The following SYNE1 variants were observed in gnomAD, a reference collection of about 807,000 sequenced individuals.
SYNE1 encodes spectrin repeat containing nuclear envelope protein 1.
SYNE1 carries 616 observed loss-of-function variants against 1,111.0 expected under a neutral mutation model. The ratio of observed to expected loss-of-function variants is 0.55; its 90% confidence interval spans 0.52 to 0.59. The LOEUF (loss-of-function observed/expected upper bound fraction) is 0.59. Ranked by LOEUF, SYNE1 falls within the 20% of genes least tolerant of loss-of-function variation. The pLI, the probability that SYNE1 is intolerant of heterozygous loss-of-function variation, is 0.00. For missense variants in SYNE1, 10,006 were observed against 10,417.0 expected (o/e 0.96, Z 1.72); for synonymous variants, 3,855 against 3,825.8 (o/e 1.01, Z -0.28).
intron 3 of SYNE1, among the ~76,000 whole-genome samples, chr6:152,587,956 C>A (rs1296123911): frequency 6.6e-6 from 1 of 152,194 alleles, no homozygotes; most frequent in Non-Finnish European, 1.5e-5. Context: ...CACCTTGAAT[C>A]AAAGAACCAA....
At chr6:152,372,156 G>A (rs1338892437) in intron 59 of SYNE1, among the ~76,000 whole-genome samples, 1 of 152,128 alleles carries the variant, frequency 6.6e-6, no homozygotes, top group East Asian at 1.9e-4. Context: ...ATGCTTCAGA[G>A]CTCAGACCAC....
Position 152,442,074 on chromosome 6 carries a change from C to A in SYNE1, c.4008+1G>T, listed in dbSNP as rs2098536142. 3 of 1,614,148 alleles carry A rather than the reference C, an allele frequency of 1.9e-6. No homozygotes were observed. Among genetic ancestry groups the A allele is most frequent in the Non-Finnish European group, 2.5e-6 (3 of 1,180,048 alleles). On this transcript the variant is annotated splice_donor_variant, in intron 31 of 145. Transcript: ENST00000367255. LOFTEE classifies it high-confidence loss of function. ...AATGGCCCCTAACTTCCGGCTCCTA[C>A]CTGGATGCGGCGTTCCTGCCTCTCC...
intron 3 of SYNE1, among the ~76,000 whole-genome samples, chr6:152,560,507 A>G (rs1252971556): frequency 1.3e-5 from 2 of 152,232 alleles, no homozygotes; most frequent in East Asian, 1.9e-4. Flanking sequence ...TCCATCAAAC[A>G]TTTAAAGAAA....
At chr6:152,476,761 C>T (rs983286072) in intron 14 of SYNE1, among the ~76,000 whole-genome samples, 5 of 151,560 alleles carry the variant, frequency 3.3e-5, no homozygotes, top group East Asian at 3.9e-4. Flanking sequence ...CCCACCTTCT[C>T]GGGAGGCTAA....
At chr6:152,221,161 A>G in intron 118 of SYNE1, 115 bp from the exon 119 acceptor site, 19 of 1,206,840 alleles carry the variant, frequency 1.6e-5, no homozygotes, top group Non-Finnish European at 2.2e-5. Flanking sequence ...AATCATTTCT[A>G]GTTAACATAA....
chr6:152,180,322 C>T (rs1027652130), intron 128 of SYNE1, 28 bp from the exon 129 acceptor site: 16 of 1,611,540 alleles, frequency 9.9e-6, no homozygotes, highest in Middle Eastern at 1.7e-4. Context: ...GGAGAATAGG[C>T]AAAATGATTA....
chr6:152,257,967 C>T (rs758297639), intron 101 of SYNE1, among the ~76,000 whole-genome samples: 1 of 151,942 alleles, frequency 6.6e-6, no homozygotes, highest in Non-Finnish European at 1.5e-5. Context: ...TCAAACATAG[C>T]CTAGATAAGC....
In SYNE1 at chr6:152,140,439, C is replaced by T. The variant is rs6920560; in HGVS notation, c.25247-278G>A. ...ACGAAGTAATAAGCAGTCATGAGCA[C>T]GAACGATCGTTCAATTCTTGGATCC... On this transcript the variant is annotated intron_variant, in intron 139 of 145. Coordinates refer to ENST00000367255, the MANE Select transcript of SYNE1 (RefSeq NM_182961.4). Among the ~76,000 whole-genome samples, 1,294 of 152,212 alleles carry T rather than the reference C, an allele frequency of 8.5e-3. 20 individuals are homozygous for T. The highest frequency in any genetic ancestry group is 0.029 in the African/African-American group (1,206 of 41,518).
Position 152,331,841 on chromosome 6 carries a change from C to T in SYNE1, c.12844G>A (p.Ala4282Thr), listed in dbSNP as rs1384390262. 2.5e-6 allele frequency: 4 copies of T among 1,613,872 alleles called. No individual in the cohort carries two copies. In the South Asian group the frequency reaches 3.3e-5, roughly 13 times the overall value. ...AVHLEALKKL[A>T]LALQERKYAI... is the part of the protein sequence containing the mutation. ...TACTTTCTCTCCTGCAATGCCAATG[C>T]TAACTTTTTCAAAGCTTCCAGGTGG... is the stretch of plus-strand genomic sequence containing the variant. The change falls in exon 78 of 146, where the codon GCA becomes ACA. Residue 4282 changes from alanine (A) to threonine (T), a missense_variant. Coordinates refer to ENST00000367255, the MANE Select transcript of SYNE1 (RefSeq NM_182961.4).
intron 29 of SYNE1, among the ~76,000 whole-genome samples, chr6:152,445,951 A>G (rs1176926878): frequency 5.9e-5 from 9 of 152,140 alleles, no homozygotes; most frequent in African/African-American, 1.9e-4. Flanking sequence ...TTTAAGGCAG[A>G]TGAGTGTGTA....
At chr6:152,475,713 A>C (rs1322053936) in intron 14 of SYNE1, among the ~76,000 whole-genome samples, 2 of 152,228 alleles carry the variant, frequency 1.3e-5, no homozygotes, top group Non-Finnish European at 2.9e-5. Flanking sequence ...GGGTTTATCA[A>C]CATGCCTCTC....
At chr6:152,441,006 T>C in intron 32 of SYNE1, 124 bp downstream of exon 32, 5 of 1,190,896 alleles carry the variant, frequency 4.2e-6, no homozygotes, top group Non-Finnish European at 4.8e-6. Flanking sequence ...GAATGGGTCA[T>C]CAATAAATAG....
chr6:152,327,722 A>G (rs558068705), intron 78 of SYNE1, among the ~76,000 whole-genome samples: 63 of 152,352 alleles, frequency 4.1e-4, no homozygotes, highest in Non-Finnish European at 1.3e-4. Flanking sequence ...AAGCAGAGAC[A>G]TCTTAGTAGA....
intron 16 of SYNE1, among the ~76,000 whole-genome samples, chr6:152,468,800 G>T (rs1321576720): frequency 1.3e-5 from 2 of 151,866 alleles, no homozygotes; most frequent in Admixed American, 6.6e-5. Context: ...TTTTGAAATA[G>T]GGTCTCACTC....
intron 3 of SYNE1, among the ~76,000 whole-genome samples, chr6:152,613,839 ACAAC>A (rs2099638720): frequency 6.6e-6 from 1 of 152,170 alleles, no homozygotes; most frequent in Non-Finnish European, 1.5e-5. Flanking sequence ...CCACACATCT[ACAAC>A]CATCTGATCT....
rs2153397489 is a variant in SYNE1, at chr6:152,206,175, A to G, written c.23012T>C (p.Leu7671Ser). The G allele has an allele frequency of 6.2e-7, 1 of 1,613,502 alleles. No individual in the cohort carries two copies. The highest frequency in any genetic ancestry group is 2.2e-5 in the East Asian group (1 of 44,870). Reference protein sequence around the residue: ...LEEQKKKLAFLLKDWEKCEKG... With the variant: ...LEEQKKKLAFSLKDWEKCEKG... ...TTTTCTAACTGAACTTACTTTCAAC[A>G]AGAAGGCTAGTTTTTTCTTCTGTTC... Residue 7671 changes from leucine to serine, a missense_variant, in exon 126 of 146, where the codon TTG becomes TCG. By Grantham distance (145) the Leu-to-Ser change is moderately radical. Coordinates refer to ENST00000367255, the MANE Select transcript of SYNE1 (RefSeq NM_182961.4).
At chr6:152,289,737 C>A (rs899365740) in intron 95 of SYNE1, among the ~76,000 whole-genome samples, 1 of 152,198 alleles carries the variant, frequency 6.6e-6, no homozygotes, top group East Asian at 1.9e-4. Flanking sequence ...CGTCATTCTC[C>A]TGCCTCAGCC....
rs1025467260 is a variant in SYNE1, at chr6:152,205,345, G to A, written c.23019+823C>T. Among the ~76,000 whole-genome samples the A allele has an allele frequency of 3.9e-5, 6 of 152,010 alleles. No individual in the cohort carries two copies. In the East Asian group the frequency reaches 5.8e-4, roughly 15 times the overall value. ...TGATAATCACTATCATTCATTTAGC[G>A]CTCAGTATGAGCCAGGTAAGGTACC... On this transcript the variant is annotated intron_variant, in intron 126 of 145. Transcript: ENST00000367255.
rs750998786 is a variant in SYNE1, at chr6:152,444,397, A to C, written c.3837+14T>G. On this transcript the variant is annotated intron_variant, in intron 30 of 145. Transcript: ENST00000367255. ...ACTTTACATAATCTTGTTGGAAGAA[A>C]GAGGCATTTTTACCTGGTGATGAAG... The C allele has an allele frequency of 2.5e-6, 4 of 1,613,194 alleles. No homozygotes were observed. Among genetic ancestry groups the C allele is most frequent in the Admixed American group, 1.7e-5 (1 of 59,998 alleles).
Sources: allele counts gnomAD v4.1 joint callset (sites outside exome capture counted in the v4.1 genomes callset), GRCh38; gene constraint gnomAD v4.1.1; transcripts MANE v1.5; gene names NCBI Gene and HGNC (gene_info 2026-07-23, HGNC 2026-07-21).